Variants in GALNT12 observed in about 807,000 individuals in gnomAD.
GALNT12 encodes the protein polypeptide N-acetylgalactosaminyltransferase 12.
In GALNT12, 45 loss-of-function variants were observed where a neutral mutation model predicts 55.5. That is an observed-to-expected ratio of 0.81 (90% CI 0.64 to 1.04). The LOEUF is 1.04. Ranked by LOEUF, GALNT12 falls within the 50% of genes least tolerant of loss-of-function variation. The pLI is 0.00. For missense variants in GALNT12, 709 were observed against 754.8 expected, an observed-to-expected ratio of 0.94 and a Z score of 0.71; for synonymous variants, 304 against 312.2, an observed-to-expected ratio of 0.97 and a Z score of 0.28.
intron 1 of GALNT12, 34 bp downstream of exon 1, chr9:98,808,103 T>C (rs2118258913): frequency 6.6e-7 from 1 of 1,514,228 alleles, no homozygotes. Flanking sequence ...AAGCCCGCCC[T>C]CAGAGCCCCG....
Position 98,844,491 on chromosome 9 carries a change from G to T in GALNT12, c.1458+282G>T, listed in dbSNP as rs189171561. ...TTCATCTACTTTTCTTATGTTATTA[G>T]ATACCCCTTGAGAATATCATTCCTA... On this transcript the variant is annotated intron_variant, in intron 8 of 9. Transcript: ENST00000375011. 903 of 408,842 alleles carry T rather than the reference G, an allele frequency of 2.2e-3. 1 individual carries two copies. The highest frequency in any genetic ancestry group is 3.0e-3 in the Non-Finnish European group (654 of 220,550). The allele number at this position is 408,842 out of a possible 1,614,324, so 25.3% of individuals were successfully genotyped here.
chr9:98,831,687 C>T, intron 3 of GALNT12, 85 bp from the exon 4 acceptor site: 1 of 1,455,928 alleles, frequency 6.9e-7, no homozygotes, highest in Non-Finnish European at 9.6e-7. Context: ...GGAAGGAAGA[C>T]AAGAATTCAC....
Position 98,837,136 on chromosome 9 carries a change from C to T in GALNT12, c.1200C>T (p.Pro400=). The T allele has an allele frequency of 6.2e-7, 1 of 1,614,176 alleles. No homozygotes were observed. Among genetic ancestry groups the T allele is most frequent in the Non-Finnish European group, 8.5e-7 (1 of 1,180,028 alleles). ...AAGAGCTCTACTACCATCGCAACCCCCGTGCCCGCTTGGTGAGTTCCTCGG... is the reference window on the plus strand; with the variant it reads ...AAGAGCTCTACTACCATCGCAACCCTCGTGCCCGCTTGGTGAGTTCCTCGG... ...EFKELYYHRN[P]RARLEPFGDV... is the part of the protein sequence containing the mutation. Residue 400 remains proline, a synonymous_variant, in exon 6 of 10, where the codon CCC becomes CCT. Coordinates refer to ENST00000375011, the MANE Select transcript of GALNT12 (RefSeq NM_024642.5).
chr9:98,838,579 C>T (rs547605392), intron 6 of GALNT12, among the ~76,000 whole-genome samples: 30 of 152,208 alleles, frequency 2.0e-4, no homozygotes, highest in Non-Finnish European at 3.1e-4. Flanking sequence ...CCTCTACCTC[C>T]GGGACCATTG....
At chr9:98,832,070 C>T in intron 4 of GALNT12, 113 bp downstream of exon 4, 1 of 867,286 alleles carries the variant, frequency 1.2e-6, no homozygotes, top group African/African-American at 1.7e-5. Context: ...TAACTACCTC[C>T]CCTCTTCCCA....
chr9:98,847,424 T>C (rs2295928), intron 9 of GALNT12: 14,443 of 152,194 alleles, frequency 0.095, 935 homozygotes, highest in East Asian at 0.28. Context: ...TCTTCTTGAA[T>C]GTCCTCCTCT....
At chr9:98,812,740 C>T (rs988243040) in intron 1 of GALNT12, among the ~76,000 whole-genome samples, 2 of 152,148 alleles carry the variant, frequency 1.3e-5, no homozygotes, top group Non-Finnish European at 2.9e-5. Context: ...TTTTCCCCCT[C>T]TTTTTTCCTA....
At position 98,846,102 on chromosome 9, in the gene GALNT12, T is replaced by C. The variant is rs757588259; in HGVS notation, c.1584T>C (p.Asn528=). Residue 528 remains asparagine (N), a synonymous_variant, in exon 9 of 10, where the codon AAT becomes AAC. Coordinates refer to ENST00000375011, the MANE Select transcript of GALNT12 (RefSeq NM_024642.5). ...MHLCEETAPE[N]QKFILQEDGS... ...TCTGCGAAGAAACTGCCCCAGAGAA[T>C]CAGAAGTTCATCTTGCAGGAGGTAG... 33 of 1,614,060 alleles carry C rather than the reference T, an allele frequency of 2.0e-5. No individual in the cohort carries two copies. Among genetic ancestry groups the C allele is most frequent in the Non-Finnish European group, 2.7e-5 (32 of 1,180,038 alleles).
chr9:98,811,213 C>T (rs1333617460), intron 1 of GALNT12, among the ~76,000 whole-genome samples: 2 of 152,084 alleles, frequency 1.3e-5, no homozygotes, highest in African/African-American at 2.4e-5. Flanking sequence ...TGGAGAATAC[C>T]AGAACTAGAG....
At chr9:98,811,930 G>C (rs1052306430) in intron 1 of GALNT12, among the ~76,000 whole-genome samples, 1 of 152,136 alleles carries the variant, frequency 6.6e-6, no homozygotes, top group African/African-American at 2.4e-5. Flanking sequence ...AGATCTGCCC[G>C]TGTTGGCCTC....
intron 6 of GALNT12, among the ~76,000 whole-genome samples, chr9:98,838,946 A>G (rs889833922): frequency 2.6e-5 from 4 of 151,988 alleles, no homozygotes; most frequent in African/African-American, 9.7e-5. Context: ...TCTGCAGCGC[A>G]CCTCTTGCTC....
Position 98,849,015 on chromosome 9 carries a change from G to A in GALNT12, c.1669G>A (p.Asp557Asn), listed in dbSNP as rs1183987598. ...CVQAARKESS[D>N]SFVPLLRDCT... ...CCAGGCTGCGAGGAAGGAGTCGAGT[G>A]ACAGTTTCGTTCCACTCTTACGAGA... Residue 557 changes from aspartate (D) to asparagine (N), a missense_variant, in exon 10 of 10, where the codon GAC becomes AAC. Asp to Asn is a conservative substitution (Grantham distance 23). Transcript: ENST00000375011. The A allele has an allele frequency of 6.2e-7, 1 of 1,614,168 alleles. No homozygotes were observed. The highest frequency in any genetic ancestry group is 8.5e-7 in the Non-Finnish European group (1 of 1,179,992).
At chr9:98,834,442 T>C (rs112724697) in intron 4 of GALNT12, among the ~76,000 whole-genome samples, 250 of 152,282 alleles carry the variant, frequency 1.6e-3, no homozygotes, top group African/African-American at 5.9e-3. Flanking sequence ...TCTGAATTCA[T>C]CCTTTTGCCT....
At chr9:98,829,668 A>G (rs1295509868) in intron 3 of GALNT12, among the ~76,000 whole-genome samples, 2 of 152,010 alleles carry the variant, frequency 1.3e-5, no homozygotes, top group African/African-American at 4.8e-5. Flanking sequence ...CTCTGTCTCC[A>G]TGAGTTCAAT....
At chr9:98,814,060 A>G (rs553500194) in intron 1 of GALNT12, among the ~76,000 whole-genome samples, 1 of 152,346 alleles carries the variant, frequency 6.6e-6, no homozygotes, top group Admixed American at 6.5e-5. Flanking sequence ...AGTTCAGGTT[A>G]TTCTGGGCCC....
At chr9:98,812,946 A>G (rs1174175951) in intron 1 of GALNT12, among the ~76,000 whole-genome samples, 4 of 152,228 alleles carry the variant, frequency 2.6e-5, no homozygotes, top group African/African-American at 9.6e-5. Flanking sequence ...CCTAATTTGT[A>G]TGCCATTTTG....
At chr9:98,821,116 G>T (rs1407540573) in intron 1 of GALNT12, among the ~76,000 whole-genome samples, 1 of 152,144 alleles carries the variant, frequency 6.6e-6, no homozygotes, top group Non-Finnish European at 1.5e-5. Flanking sequence ...TTCAAGTGAT[G>T]CTCATGCCTC....
At chr9:98,845,854 G>C in intron 8 of GALNT12, 123 bp from the exon 9 acceptor site, 2 of 955,108 alleles carry the variant, frequency 2.1e-6, no homozygotes, top group Non-Finnish European at 3.3e-6. Flanking sequence ...GGCTCGTGTT[G>C]GTGGTGACGC....
At position 98,808,401 on chromosome 9, in the gene GALNT12, C is replaced by T. The variant is rs940869376; in HGVS notation, c.371+332C>T. ...CGAGGACCCCCCAGCACCCAAAGGA[C>T]AACCCCGCTCTGCCCGCCTCGCAGT... On this transcript the variant is annotated intron_variant, in intron 1 of 9. Coordinates refer to ENST00000375011, the MANE Select transcript of GALNT12 (RefSeq NM_024642.5). Among the ~76,000 whole-genome samples, 62 of 152,264 alleles carry T rather than the reference C, an allele frequency of 4.1e-4. 1 individual carries two copies. The highest frequency in any genetic ancestry group is 1.4e-3 in the African/African-American group (60 of 41,556).
Sources: allele counts gnomAD v4.1 joint callset (sites outside exome capture counted in the v4.1 genomes callset), GRCh38; gene constraint gnomAD v4.1.1; transcripts MANE v1.5; gene names NCBI Gene and HGNC (gene_info 2026-07-23, HGNC 2026-07-21).